Variants in DGKH observed in about 807,000 individuals in gnomAD.
DGKH encodes diacylglycerol kinase eta, also known as DAG kinase eta.
A neutral mutation model predicts 159.3 loss-of-function variants in DGKH; 90 were observed. The observed-to-expected ratio is 0.57, with a 90% confidence interval of 0.48 to 0.67. The LOEUF is 0.67. Among genes scored for constraint, DGKH ranks in the 30% least tolerant of loss-of-function variants. The pLI, the probability that DGKH is intolerant of heterozygous loss-of-function variation, is 0.00. For synonymous variants in DGKH, 536 were observed against 553.8 expected (o/e 0.97, Z 0.45); for missense variants, 1,181 against 1,506.1 (o/e 0.78, Z 3.57).
At chr13:42,211,526 C>T (rs1203224488) in intron 24 of DGKH, among the ~76,000 whole-genome samples, 3 of 151,906 alleles carry the variant, frequency 2.0e-5, no homozygotes, top group Admixed American at 6.6e-5. Flanking sequence ...GGTGAAACCC[C>T]GTCTCTACTA....
chr13:42,228,714 AG>A (rs1958210026), intron 29 of DGKH, among the ~76,000 whole-genome samples: 1 of 151,950 alleles, frequency 6.6e-6, no homozygotes, highest in Non-Finnish European at 1.5e-5. Flanking sequence ...AAAGAAAGAA[AG>A]AAAGAAAAGA....
At chr13:42,195,255 C>T (rs1307486866) in intron 17 of DGKH, among the ~76,000 whole-genome samples, 1 of 152,106 alleles carries the variant, frequency 6.6e-6, no homozygotes, top group Non-Finnish European at 1.5e-5. Flanking sequence ...AATCGCAGCA[C>T]TTTGGGAAGC....
intron 1 of DGKH, among the ~76,000 whole-genome samples, chr13:42,115,583 G>C (rs1954950909): frequency 6.6e-6 from 1 of 152,192 alleles, no homozygotes; most frequent in African/African-American, 2.4e-5. Flanking sequence ...GTAGAAGGGA[G>C]AGCTGGTGAA....
At chr13:42,120,547 A>G (rs1955048176) in intron 1 of DGKH, among the ~76,000 whole-genome samples, 1 of 152,220 alleles carries the variant, frequency 6.6e-6, no homozygotes, top group African/African-American at 2.4e-5. Context: ...CTCAAGTAAT[A>G]TCAAATTACG....
At chr13:42,112,284 C>CATTT (rs374132029) in intron 1 of DGKH, among the ~76,000 whole-genome samples, 1 of 122,828 alleles carries the variant, frequency 8.1e-6, no homozygotes, top group Non-Finnish European at 1.6e-5. Flanking sequence ...AGCCTTGTGG[C>CATTT]TTTTTTTTTT....
At chr13:42,163,105 A>C (rs1160177910) in intron 7 of DGKH, among the ~76,000 whole-genome samples, 1 of 149,448 alleles carries the variant, frequency 6.7e-6, no homozygotes. Flanking sequence ...GAGTGAGAAC[A>C]TGCGGTGTTT....
rs545289253 is a variant in DGKH, at chr13:42,127,984, A to C, written c.303+411A>C. On this transcript the variant is annotated intron_variant, in intron 2 of 29. Coordinates refer to ENST00000337343, the MANE Select transcript of DGKH (RefSeq NM_178009.5). ...AAGAATTCATGCTCTGTGTTCAGAC[A>C]AGAGCTCATATCCCACTTCCAGCAT... is the stretch of plus-strand genomic sequence containing the variant. Among the ~76,000 whole-genome samples, 18 of 152,292 alleles carry C rather than the reference A, an allele frequency of 1.2e-4. No individual in the cohort carries two copies. In the South Asian group the frequency reaches 3.7e-3, roughly 32 times the overall value.
intron 29 of DGKH, among the ~76,000 whole-genome samples, chr13:42,222,262 C>G (rs1957995366): frequency 6.6e-6 from 1 of 152,120 alleles, no homozygotes; most frequent in South Asian, 2.1e-4. Context: ...TTCATGTAGA[C>G]CAAGTTCTAA....
At position 42,230,191 on chromosome 13, in the gene DGKH, T is replaced by C. The variant is rs1389406571; in HGVS notation, c.*1003T>C. On this transcript the variant is annotated 3_prime_UTR_variant, in exon 30 of 30. Coordinates refer to ENST00000337343, the MANE Select transcript of DGKH (RefSeq NM_178009.5). ...TTTAATATTCTATTTGAATTTATAA[T>C]ATAGTAAAGTGTTGATATCCAGGAA... is the stretch of plus-strand genomic sequence containing the variant. 1.1e-5 allele frequency: 1 copy of C among 90,916 alleles called. No homozygotes were observed. Among genetic ancestry groups the C allele is most frequent in the African/African-American group, 3.1e-5 (1 of 31,848 alleles). The allele number at this position is 90,916 out of a possible 1,614,324, so 5.6% of individuals were successfully genotyped here.
chr13:42,136,197 C>T (rs1265512059), intron 3 of DGKH, among the ~76,000 whole-genome samples: 1 of 152,154 alleles, frequency 6.6e-6, no homozygotes, highest in African/African-American at 2.4e-5. Flanking sequence ...TTATCATCTC[C>T]CTATTTCCAA....
upstream of DGKH, among the ~76,000 whole-genome samples, chr13:42,048,038 A>G (rs1057467712): frequency 6.8e-6 from 1 of 146,388 alleles, no homozygotes; most frequent in Non-Finnish European, 1.5e-5. The surrounding 1 kb of genome is among the most constrained non-coding windows in gnomAD (Gnocchi z 6.7). Flanking sequence ...GGGGTGGGCC[A>G]GAAACTGAAC....
intron 11 of DGKH, among the ~76,000 whole-genome samples, chr13:42,171,890 T>C (rs910425093): frequency 8.0e-5 from 12 of 149,234 alleles, no homozygotes; most frequent in African/African-American, 2.2e-4. Flanking sequence ...AGTGCAGTGG[T>C]GCGATCTTGC....
chr13:42,053,462 ATATAACTATATG>A (rs1456661371), intron 1 of DGKH, among the ~76,000 whole-genome samples: 1 of 144,708 alleles, frequency 6.9e-6, no homozygotes. Flanking sequence ...ATATAACTAT[ATATAACTATATG>A]TATAACTATA....
chr13:42,057,511 T>G (rs1566078787), intron 1 of DGKH, among the ~76,000 whole-genome samples: 1 of 152,222 alleles, frequency 6.6e-6, no homozygotes, highest in Non-Finnish European at 1.5e-5. Context: ...CTCTGTAGTT[T>G]GTGAAGCACA....
chr13:42,199,488 G>A (rs1334927163), intron 18 of DGKH, 78 bp from the exon 19 acceptor site: 3 of 1,007,700 alleles, frequency 3.0e-6, no homozygotes, highest in Admixed American at 2.7e-5. Flanking sequence ...ATGGTTTTAA[G>A]TACTATCTTG....
At chr13:42,100,875 G>C (rs1954639489) in intron 1 of DGKH, among the ~76,000 whole-genome samples, 1 of 152,136 alleles carries the variant, frequency 6.6e-6, no homozygotes, top group African/African-American at 2.4e-5. Flanking sequence ...TTAAATGCTT[G>C]AAACTCAAAC....
chr13:42,207,702 T>TATAC (rs1957542884), intron 21 of DGKH, among the ~76,000 whole-genome samples: 1 of 121,264 alleles, frequency 8.2e-6, no homozygotes, highest in Non-Finnish European at 1.9e-5. Flanking sequence ...TGTGTATATA[T>TATAC]ATATATATAT....
At position 42,230,427 on chromosome 13, in the gene DGKH, A is replaced by G. The variant is rs1348011265; in HGVS notation, c.*1239A>G. 6.6e-6 allele frequency: 1 copy of G among 152,142 alleles called. No individual in the cohort carries two copies. Among genetic ancestry groups the G allele is most frequent in the Admixed American group, 6.6e-5 (1 of 15,266 alleles). 9.4% of individuals were successfully genotyped at this position (152,142 alleles called of 1,614,324 possible). A position where few individuals can be genotyped will look rare whatever the true frequency, so the allele number is the denominator to read the frequency against. Reference sequence around the variant, plus strand: ...TTTCTAAACCACTGTACTTCAGTGTAGCTTATTATTAGAAGTCAACATTAC... The same window carrying G: ...TTTCTAAACCACTGTACTTCAGTGTGGCTTATTATTAGAAGTCAACATTAC... On this transcript the variant is annotated 3_prime_UTR_variant, in exon 30 of 30. Coordinates refer to ENST00000337343, the MANE Select transcript of DGKH (RefSeq NM_178009.5).
chr13:42,076,499 A>G (rs537210788), intron 1 of DGKH, among the ~76,000 whole-genome samples: 60 of 152,120 alleles, frequency 3.9e-4, no homozygotes, highest in Non-Finnish European at 7.9e-4. Context: ...AAGACACGGT[A>G]TTTATATCAG....
Sources: gnomAD v4.1 joint callset for allele counts (sites outside exome capture counted in the v4.1 genomes callset) on GRCh38, gnomAD v4.1.1 for gene constraint, Gnocchi (gnomAD v3.1) non-coding constraint, MANE v1.5 for transcripts, NCBI Gene and HGNC (gene_info 2026-07-23, HGNC 2026-07-21) for gene names.